FAM171A1: variants seen among roughly 807,000 people sequenced by gnomAD.
FAM171A1 encodes the protein protein FAM171A1.
A neutral mutation model predicts 74.9 loss-of-function variants in FAM171A1; 23 were observed. The ratio of observed to expected loss-of-function variants is 0.31; its 90% CI spans 0.22 to 0.44. FAM171A1 has a LOEUF of 0.44. Among genes scored for constraint, FAM171A1 ranks in the 20% least tolerant of loss-of-function variants. The probability of loss-of-function intolerance (pLI) is 1.00; values close to 1 mark genes in which losing one functional copy is unlikely to be tolerated. For missense variants in FAM171A1, 1,162 were observed against 1,159.2 expected (o/e 1.00, Z -0.03); for synonymous variants, 527 against 505.7 (o/e 1.04, Z -0.57).
intron 1 of FAM171A1, among the ~76,000 whole-genome samples, chr10:15,341,765 C>G (rs1282077187): frequency 1.3e-5 from 2 of 152,080 alleles, no homozygotes; most frequent in African/African-American, 4.8e-5. Flanking sequence ...CTTAATATAC[C>G]CTGACACATC....
intron 1 of FAM171A1, among the ~76,000 whole-genome samples, chr10:15,348,126 T>C (rs1419145069): frequency 6.6e-6 from 1 of 151,276 alleles, no homozygotes; most frequent in Non-Finnish European, 1.5e-5. Context: ...TACAAGCGCC[T>C]GCCACCATTC....
intron 3 of FAM171A1, among the ~76,000 whole-genome samples, chr10:15,265,839 G>A (rs1163558169): frequency 6.6e-6 from 1 of 152,072 alleles, no homozygotes; most frequent in Non-Finnish European, 1.5e-5. Context: ...TAGGAAAGGG[G>A]GGTATCATGG....
At chr10:15,259,927 G>A (rs1389144532) in intron 3 of FAM171A1, among the ~76,000 whole-genome samples, 3 of 151,920 alleles carry the variant, frequency 2.0e-5, no homozygotes, top group Admixed American at 6.6e-5. Flanking sequence ...CTGGGCTCAA[G>A]TGATCTTCCC....
chr10:15,243,980 A>G (rs369008290), intron 5 of FAM171A1, among the ~76,000 whole-genome samples: 58 of 152,200 alleles, frequency 3.8e-4, no homozygotes, highest in Middle Eastern at 3.4e-3. Flanking sequence ...TTGATCTCCT[A>G]ACCTCGTGAT....
At chr10:15,342,142 G>C (rs944054722) in intron 1 of FAM171A1, among the ~76,000 whole-genome samples, 15 of 152,166 alleles carry the variant, frequency 9.9e-5, no homozygotes, top group African/African-American at 1.9e-4. Context: ...AGCAATCTAC[G>C]GGCAAGCCAT....
At position 15,212,297 on chromosome 10, in the gene FAM171A1, G is replaced by C. The variant is rs1352631182; in HGVS notation, c.*618C>G. The C allele has an allele frequency of 1.3e-5, 2 of 154,014 alleles. No individual in the cohort carries two copies. The allele number at this position is 154,014 out of a possible 1,614,324, so 9.5% of individuals were successfully genotyped here. On this transcript the variant is annotated 3_prime_UTR_variant, in exon 8 of 8. Transcript: ENST00000378116. ...GTTCCTGAAGGGAGACGCTGAGATGGACCGCTGAGAAGCGGAACAGATGAA... is the reference window on the plus strand; with the variant it reads ...GTTCCTGAAGGGAGACGCTGAGATGCACCGCTGAGAAGCGGAACAGATGAA...
At chr10:15,309,549 C>T (rs1272747123) in intron 1 of FAM171A1, among the ~76,000 whole-genome samples, 5 of 152,238 alleles carry the variant, frequency 3.3e-5, no homozygotes, top group African/African-American at 7.2e-5. Context: ...CTGAAATAAC[C>T]AATGAGCTGA....
chr10:15,254,504 A>T lies in FAM171A1; in HGVS notation c.577+217T>A, dbSNP rs1019728053. Among the ~76,000 whole-genome samples the T allele has an allele frequency of 2.0e-5, 3 of 152,358 alleles. No homozygotes were observed. In the South Asian group the frequency reaches 6.2e-4, roughly 32 times the overall value. On this transcript the variant is annotated intron_variant, in intron 4 of 7. Transcript: ENST00000378116. Reference sequence around the variant, plus strand: ...GCTTAAGGCAACTGGTAACAGAAGAAAAGCTCAAGGAGACCAATGTGCTAA... The same window carrying T: ...GCTTAAGGCAACTGGTAACAGAAGATAAGCTCAAGGAGACCAATGTGCTAA...
At chr10:15,315,496 GTC>G (rs1835412029) in intron 1 of FAM171A1, among the ~76,000 whole-genome samples, 1 of 152,182 alleles carries the variant, frequency 6.6e-6, no homozygotes, top group East Asian at 1.9e-4. Flanking sequence ...CAATGACAAT[GTC>G]TCTACTGCAG....
chr10:15,305,033 G>A (rs753788894), intron 1 of FAM171A1, among the ~76,000 whole-genome samples: 23 of 152,138 alleles, frequency 1.5e-4, no homozygotes, highest in Non-Finnish European at 3.4e-4. Flanking sequence ...CACAGCACCC[G>A]GCCAAGTAAC....
intron 3 of FAM171A1, among the ~76,000 whole-genome samples, chr10:15,260,458 C>T (rs1588517580): frequency 6.6e-6 from 1 of 152,270 alleles, no homozygotes; most frequent in African/African-American, 2.4e-5. Context: ...ATGAATCATG[C>T]CTGTCTCATA....
chr10:15,312,673 G>GGTTTTT (rs1835374892), intron 1 of FAM171A1, among the ~76,000 whole-genome samples: 1 of 36,384 alleles, frequency 2.7e-5, no homozygotes, highest in African/African-American at 1.2e-4. Context: ...AGCACTGTGT[G>GGTTTTT]TTTTTTTTTT....
rs570222066 is a variant in FAM171A1, at chr10:15,336,175, G to C, written c.97+34781C>G. ...AGAGCATGGTACCCTCAGAAATAGA[G>C]TTTAGGGACAGAGAAACCTAGAGTC... On this transcript the variant is annotated intron_variant, in intron 1 of 7. Coordinates refer to ENST00000378116, the MANE Select transcript of FAM171A1 (RefSeq NM_001010924.2). Among the ~76,000 whole-genome samples, 7 of 152,260 alleles carry C rather than the reference G, an allele frequency of 4.6e-5. No individual in the cohort carries two copies. In the East Asian group the frequency reaches 9.7e-4, roughly 21 times the overall value.
chr10:15,292,105 C>A (rs1253169899), intron 1 of FAM171A1, among the ~76,000 whole-genome samples: 1 of 152,130 alleles, frequency 6.6e-6, no homozygotes, highest in Non-Finnish European at 1.5e-5. Context: ...CTTTTCACTG[C>A]ATCCTCACGT....
intron 3 of FAM171A1, among the ~76,000 whole-genome samples, chr10:15,256,106 T>G (rs566746194): frequency 5.3e-5 from 8 of 152,288 alleles, no homozygotes; most frequent in African/African-American, 1.9e-4. Flanking sequence ...GCAGACCACA[T>G]TCCACCTGTG....
rs183932365 is a variant in FAM171A1, at chr10:15,281,783, C to A, written c.325+2095G>T. Among the ~76,000 whole-genome samples, 600 of 152,270 alleles carry A rather than the reference C, an allele frequency of 3.9e-3. 3 individuals carry two copies. Among genetic ancestry groups the A allele is most frequent in the African/African-American group, 0.014 (570 of 41,554 alleles). ...GGCTGAAGCAGGAGAATTGCTTGAA[C>A]CTGGGAGGTGGAGATTGCAGTGAGC... On this transcript the variant is annotated intron_variant, in intron 2 of 7. Transcript: ENST00000378116.
chr10:15,268,506 C>T (rs903211799), intron 3 of FAM171A1, among the ~76,000 whole-genome samples: 11 of 151,898 alleles, frequency 7.2e-5, no homozygotes, highest in Admixed American at 2.0e-4. Context: ...CCATTGATCA[C>T]GGGAAGGCCA....
chr10:15,261,101 T>G (rs2131776780), intron 3 of FAM171A1, among the ~76,000 whole-genome samples: 1 of 152,304 alleles, frequency 6.6e-6, no homozygotes, highest in Middle Eastern at 3.4e-3. Flanking sequence ...GAATCTCTGT[T>G]CCTCTCCCGA....
At chr10:15,250,441 C>T (rs1327062140) in intron 4 of FAM171A1, among the ~76,000 whole-genome samples, 1 of 152,196 alleles carries the variant, frequency 6.6e-6, no homozygotes, top group Non-Finnish European at 1.5e-5. Flanking sequence ...TTCTGTTAGG[C>T]CCTCTCAGGA....
Sources: gnomAD v4.1 joint callset for allele counts (sites outside exome capture counted in the v4.1 genomes callset) on GRCh38, gnomAD v4.1.1 for gene constraint, MANE v1.5 for transcripts, NCBI Gene and HGNC (gene_info 2026-07-23, HGNC 2026-07-21) for gene names.